The following SBF1 variants were observed in gnomAD, a reference collection of about 807,000 sequenced individuals.
SBF1 encodes myotubularin-related protein 5.
Under a neutral mutation model 215.8 loss-of-function variants are expected in SBF1, and 65 were observed. That is an observed-to-expected ratio of 0.30 (90% confidence interval 0.25 to 0.37). SBF1 has a LOEUF of 0.37. Among genes scored for constraint, SBF1 ranks in the 10% least tolerant of loss-of-function variants. SBF1 has a pLI of 1.00. For synonymous variants in SBF1, 1,410 were observed against 1,122.8 expected, an observed-to-expected ratio of 1.26 and a Z score of -5.11; for missense variants, 2,634 against 2,667.8, an observed-to-expected ratio of 0.99 and a Z score of 0.28.
rs750687645 is a variant in SBF1 at position 50,459,296 on chromosome 22, T to C, written c.3785A>G (p.Asn1262Ser). The change falls in exon 28 of 41, where the codon AAC becomes AGC. Residue 1262 changes from asparagine (N) to serine (S), a missense_variant. Coordinates refer to ENST00000380817, the MANE Select transcript of SBF1 (RefSeq NM_002972.4). ...GGCTGAGGAGAAGCCGCTAAGCGTG[T>C]TGCGTCCCGACGCGTCGGCGTAGCG... ...MPRYADASGR[N>S]TLSGFSSAHM... The C allele has an allele frequency of 1.4e-5, 22 of 1,611,426 alleles. No homozygotes were observed. The highest frequency in any genetic ancestry group is 1.8e-5 in the Non-Finnish European group (21 of 1,178,530).
chr22:50,463,614 A>G (rs551173234), intron 15 of SBF1, among the ~76,000 whole-genome samples, 182 bp from the exon 16 acceptor site: 4 of 152,352 alleles, frequency 2.6e-5, no homozygotes, highest in Non-Finnish European at 5.9e-5. Flanking sequence ...CTCCACAAGT[A>G]CAAGTTCACC....
intron 1 of SBF1, among the ~76,000 whole-genome samples, chr22:50,470,903 C>A (rs189462809): frequency 1.6e-4 from 24 of 152,320 alleles, no homozygotes; most frequent in African/African-American, 5.8e-4. Flanking sequence ...TCCTCCTCAC[C>A]CTTCTGAGGT....
In SBF1 at chr22:50,455,470, G is replaced by A. The variant is rs770151042; in HGVS notation, c.4368+11C>T. ...GGAGCCTGGCCCACCCCAGCCCCAC[G>A]CGCCACACACCTGGGTGGTGATGTC... On this transcript the variant is annotated intron_variant, in intron 32 of 40. Coordinates refer to ENST00000380817, the MANE Select transcript of SBF1 (RefSeq NM_002972.4). 3.2e-5 allele frequency: 52 copies of A among 1,611,588 alleles called. No homozygotes were observed. Among genetic ancestry groups the A allele is most frequent in the Middle Eastern group, 1.6e-4 (1 of 6,078 alleles).
Position 50,462,031 on chromosome 22 carries a change from A to G in SBF1, c.2485T>C (p.Phe829Leu). ...TCDVAGAVVRFINRFVDKVCT... is the reference protein window; with the variant it reads ...TCDVAGAVVRLINRFVDKVCT... ...ACCTTGTCCACAAAGCGGTTGATGA[A>G]GCGGACCACAGCCCCAGCTACGTCG... The change falls in exon 20 of 41, where the codon TTC becomes CTC. Residue 829 changes from phenylalanine to leucine, a missense_variant. Physicochemically the swap from Phe to Leu is conservative, Grantham distance 22. Coordinates refer to ENST00000380817, the MANE Select transcript of SBF1 (RefSeq NM_002972.4). 1 of 1,614,182 alleles carries G rather than the reference A, an allele frequency of 6.2e-7. No homozygotes were observed. The highest frequency in any genetic ancestry group is 8.5e-7 in the Non-Finnish European group (1 of 1,180,042).
intron 36 of SBF1, among the ~76,000 whole-genome samples, chr22:50,449,754 T>C (rs1471684433): frequency 6.6e-6 from 1 of 151,570 alleles, no homozygotes; most frequent in African/African-American, 2.4e-5. Context: ...AGAGCAACAA[T>C]AAAACTGACG....
Position 50,460,726 on chromosome 22 carries a change from A to G in SBF1, c.2968-14T>C. The G allele has an allele frequency of 6.2e-7, 1 of 1,611,060 alleles. No individual in the cohort carries two copies. Among genetic ancestry groups the G allele is most frequent in the Non-Finnish European group, 8.5e-7 (1 of 1,179,340 alleles). Reference sequence around the variant, plus strand: ...CATTTTCAGCAGCTGTGTCAGTAAAAGCAGCCCTTAGGGGTGTGGGTGGCC... The same window carrying G: ...CATTTTCAGCAGCTGTGTCAGTAAAGGCAGCCCTTAGGGGTGTGGGTGGCC... On this transcript the variant is annotated splice_polypyrimidine_tract_variant and intron_variant, in intron 23 of 40. Transcript: ENST00000380817.
intron 36 of SBF1, among the ~76,000 whole-genome samples, chr22:50,451,217 A>T (rs1469129748): frequency 6.7e-6 from 1 of 150,186 alleles, no homozygotes; most frequent in East Asian, 2.0e-4. Context: ...GGCCCACGCC[A>T]GTAGTCTTGG....
At chr22:50,467,066 G>A (rs2067796292) in intron 5 of SBF1, 3 of 584,278 alleles carry the variant, frequency 5.1e-6, no homozygotes, top group Non-Finnish European at 9.2e-6. Flanking sequence ...CACAGGGCAG[G>A]GAGCAGACAA....
At chr22:50,457,967 G>C (rs1342438891) in intron 28 of SBF1, among the ~76,000 whole-genome samples, 1 of 152,220 alleles carries the variant, frequency 6.6e-6, no homozygotes, top group Non-Finnish European at 1.5e-5. Flanking sequence ...GCACCAGCCT[G>C]CTTTGGACGC....
Position 50,461,715 on chromosome 22 carries a change from T to C in SBF1, c.2647A>G (p.Lys883Glu). ...GGCAGCAGGCGCGGCCGCAGCAGCT[T>C]GGGCTGCTCGAAAACAAGAGCAGGA... ...SRRLPPIQKP[K>E]LLRPRLLPGE... is the part of the protein sequence containing the mutation. The change falls in exon 22 of 41, where the codon AAG (lysine) becomes GAG (glutamate). Residue 883 changes from lysine (K) to glutamate (E), a missense_variant. Lys to Glu is a moderately conservative substitution (Grantham distance 56). Transcript: ENST00000380817. 1 of 1,609,338 alleles carries C rather than the reference T, an allele frequency of 6.2e-7. No individual in the cohort carries two copies. Among genetic ancestry groups the C allele is most frequent in the Non-Finnish European group, 8.5e-7 (1 of 1,178,260 alleles).
chr22:50,465,094 G>C lies in SBF1; in HGVS notation c.1239C>G (p.Asp413Glu). Residue 413 changes from aspartate to glutamate, a missense_variant, in exon 12 of 41, where the codon GAC becomes GAG. Transcript: ENST00000380817. ...CCTCCAGCACCTTCATCAGGAAATC[G>C]TCCTCTACCAGCCCACGCTGGCCCA... is the stretch of plus-strand genomic sequence containing the variant. ...AFLGQRGLVE[D>E]DFLMKVLEGM... 6.2e-7 allele frequency: 1 copy of C among 1,614,074 alleles called. No individual in the cohort carries two copies. The highest frequency in any genetic ancestry group is 8.5e-7 in the Non-Finnish European group (1 of 1,179,996).
Position 50,450,520 on chromosome 22 carries a change from CA to C in SBF1, c.5044-1871del, listed in dbSNP as rs1412631899. ...TGGGAGACAAAGTGAGACTCTGCCT[CA>C]AAAAAAAAAAAACAAAACTATGAGC... On this transcript the variant is annotated intron_variant, in intron 36 of 40. Coordinates refer to ENST00000380817, the MANE Select transcript of SBF1 (RefSeq NM_002972.4). 7.4e-3 allele frequency among the ~76,000 whole-genome samples: 832 copies of C among 111,874 alleles called. 4 individuals are homozygous for C. Among genetic ancestry groups the C allele is most frequent in the African/African-American group, 0.023 (717 of 31,352 alleles). The allele number at this position is 111,874 out of a possible 152,430, so 73.4% of individuals were successfully genotyped here. A position where few individuals can be genotyped will look rare whatever the true frequency, so the allele number is the denominator to read the frequency against.
chr22:50,468,349 C>T, intron 2 of SBF1, 27 bp downstream of exon 2: 1 of 1,606,002 alleles, frequency 6.2e-7, no homozygotes, highest in Non-Finnish European at 8.5e-7. Flanking sequence ...CACCTGCCAG[C>T]ACCGTCTCAG....
intron 36 of SBF1, among the ~76,000 whole-genome samples, chr22:50,453,095 A>T (rs2067111425): frequency 6.6e-6 from 1 of 152,190 alleles, no homozygotes; most frequent in African/African-American, 2.4e-5. Flanking sequence ...TAAAAATTCC[A>T]ATTAAAAAAA....
At position 50,455,643 on chromosome 22, in the gene SBF1, C is replaced by G; in HGVS notation, c.4267-61G>C. ...CACCGCCCTCCCGCCTGGCCACTCA[C>G]CAGGCCAGAGACCCGCATGTCCACA... On this transcript the variant is annotated intron_variant, in intron 31 of 40. Transcript: ENST00000380817. 5 of 1,406,854 alleles carry G rather than the reference C, an allele frequency of 3.6e-6. No individual in the cohort carries two copies. In the Admixed American group the frequency reaches 9.9e-5, roughly 28 times the overall value. 87.1% of individuals were successfully genotyped at this position (1,406,854 alleles called of 1,614,324 possible).
chr22:50,460,598 A>C lies in SBF1; in HGVS notation c.3082T>G (p.Leu1028Val), dbSNP rs1342090171. 6.2e-7 allele frequency: 1 copy of C among 1,614,130 alleles called. No homozygotes were observed. Among genetic ancestry groups the C allele is most frequent in the South Asian group, 1.1e-5 (1 of 91,090 alleles). ...PDIRATFAFT[L>V]GSAHTPGRPP... Reference sequence around the variant, plus strand: ...CGGCCAGGTGTGTGGGCAGAGCCCAAGGTGAACGCAAAGGTGGCCCTGATG... The same window carrying C: ...CGGCCAGGTGTGTGGGCAGAGCCCACGGTGAACGCAAAGGTGGCCCTGATG... The change falls in exon 24 of 41, where the codon TTG becomes GTG. Residue 1028 changes from leucine to valine, a missense_variant. By Grantham distance (32) the Leu-to-Val change is conservative. Coordinates refer to ENST00000380817, the MANE Select transcript of SBF1 (RefSeq NM_002972.4).
Position 50,463,323 on chromosome 22 carries a change from T to C in SBF1, c.1859A>G (p.Gln620Arg). The C allele has an allele frequency of 6.2e-7, 1 of 1,613,270 alleles. No individual in the cohort carries two copies. Among genetic ancestry groups the C allele is most frequent in the South Asian group, 1.1e-5 (1 of 90,894 alleles). ...CATCATACGGACGACAAAGTCAAAC[T>C]GCTGGTGGTCCAGGACCGCACGGTT... ...QQNRAVLDHQ[Q>R]FDFVVRMMNC... The change falls in exon 16 of 41, where the codon CAG becomes CGG. Residue 620 changes from glutamine to arginine, a missense_variant. Physicochemically the swap from Gln to Arg is conservative, Grantham distance 43. Transcript: ENST00000380817.
chr22:50,473,433 T>C (rs1000072983), intron 1 of SBF1, among the ~76,000 whole-genome samples: 3 of 152,020 alleles, frequency 2.0e-5, no homozygotes, highest in African/African-American at 7.3e-5. Flanking sequence ...ACCTGCACAG[T>C]GGGGATGAGG....
chr22:50,462,871 C>A lies in SBF1; in HGVS notation c.1967G>T (p.Arg656Leu), dbSNP rs778794053. 4.3e-6 allele frequency: 7 copies of A among 1,613,080 alleles called. No homozygotes were observed. Among genetic ancestry groups the A allele is most frequent in the Non-Finnish European group, 5.9e-6 (7 of 1,179,922 alleles). Residue 656 changes from arginine (R) to leucine (L), a missense_variant and splice_region_variant, in exon 17 of 41, where the codon CGG becomes CTG. Coordinates refer to ENST00000380817, the MANE Select transcript of SBF1 (RefSeq NM_002972.4). ...GACCTCAGCCATGCCAGCACTCACC[C>A]GGCAGAAGGCTGTGACCAGAGGCAG... is the stretch of plus-strand genomic sequence containing the variant. ...ALLPLVTAFC[R>L]KLSPGVTQFA...
Sources: allele counts gnomAD v4.1 joint callset (sites outside exome capture counted in the v4.1 genomes callset), GRCh38; gene constraint gnomAD v4.1.1; transcripts MANE v1.5; gene names NCBI Gene and HGNC (gene_info 2026-07-23, HGNC 2026-07-21).